The following CREB5 variants were observed in gnomAD, a reference collection of about 807,000 sequenced individuals.
The protein encoded by CREB5 is cAMP responsive element binding protein 5, also known as cyclic AMP-responsive element-binding protein 5.
CREB5 carries 19 observed loss-of-function variants against 57.1 expected under a neutral mutation model. The observed-to-expected ratio is 0.33, with a 90% CI of 0.23 to 0.49. The LOEUF (loss-of-function observed/expected upper bound fraction) is 0.49. Among genes scored for constraint, CREB5 ranks in the 20% least tolerant of loss-of-function variants. The probability of loss-of-function intolerance (pLI) is 0.99; values close to 1 mark genes in which losing one functional copy is unlikely to be tolerated. For missense variants in CREB5, 579 were observed against 671.6 expected, an observed-to-expected ratio of 0.86 and a Z score of 1.52; for synonymous variants, 238 against 238.3, an observed-to-expected ratio of 1.00 and a Z score of 0.01.
At chr7:28,798,242 G>A (rs991136784) in intron 7 of CREB5, among the ~76,000 whole-genome samples, 6 of 152,048 alleles carry the variant, frequency 3.9e-5, no homozygotes, top group South Asian at 2.1e-4. Context: ...AATTCGGCTC[G>A]GCTTTCAGAG....
Position 28,300,436 on chromosome 7 carries a change from G to C in CREB5, c.-25+995G>C, listed in dbSNP as rs184570651. On this transcript the variant is annotated intron_variant, in intron 1 of 9. Transcript: ENST00000396299. ...GTATGTCCATCTCCAGGTGGCTGGT[G>C]TTGGGTGGACAATAAACAGATTCAA... Among the ~76,000 whole-genome samples, 37 of 152,340 alleles carry C rather than the reference G, an allele frequency of 2.4e-4. No individual in the cohort carries two copies. In the East Asian group the frequency reaches 6.9e-3, roughly 29 times the overall value.
intron 5 of CREB5, among the ~76,000 whole-genome samples, chr7:28,698,906 A>G (rs1801706387): frequency 6.6e-6 from 1 of 152,216 alleles, no homozygotes; most frequent in Non-Finnish European, 1.5e-5. Flanking sequence ...CATCGTCTGT[A>G]TTCAATGCCC....
At chr7:28,731,894 A>C (rs1198799841) in intron 7 of CREB5, among the ~76,000 whole-genome samples, 1 of 152,124 alleles carries the variant, frequency 6.6e-6, no homozygotes, top group African/African-American at 2.4e-5. Context: ...GACTTGGCTT[A>C]TTTGCCAGCC....
chr7:28,619,543 AC>A (rs1356039107), intron 5 of CREB5, among the ~76,000 whole-genome samples: 1 of 149,854 alleles, frequency 6.7e-6, no homozygotes, highest in African/African-American at 2.5e-5. Flanking sequence ...ACACAAATAA[AC>A]CCCCTTCTTG....
At chr7:28,666,936 G>GA (rs113572513) in intron 5 of CREB5, among the ~76,000 whole-genome samples, 7,605 of 128,858 alleles carry the variant, frequency 0.059, 344 homozygotes, top group African/African-American at 0.14. Flanking sequence ...CCTTTCTTAG[G>GA]AAAAAAAAAA....
intron 1 of CREB5, among the ~76,000 whole-genome samples, chr7:28,343,238 C>G (rs1352919743): frequency 6.6e-6 from 1 of 152,178 alleles, no homozygotes; most frequent in Non-Finnish European, 1.5e-5. Flanking sequence ...CTGCGCCTGG[C>G]CTGAAATATG....
intron 5 of CREB5, among the ~76,000 whole-genome samples, chr7:28,636,599 G>A (rs948702709): frequency 8.6e-5 from 13 of 151,858 alleles, no homozygotes; most frequent in African/African-American, 2.7e-4. Context: ...TAGATACTAC[G>A]CCTGCCTATG....
chr7:28,780,377 T>C (rs1358264054), intron 7 of CREB5, among the ~76,000 whole-genome samples: 1 of 152,110 alleles, frequency 6.6e-6, no homozygotes, highest in East Asian at 1.9e-4. Context: ...AACTAAGTAG[T>C]AGAAAAAAGT....
intron 1 of CREB5, among the ~76,000 whole-genome samples, chr7:28,302,072 C>T (rs1174687467): frequency 6.6e-6 from 1 of 151,900 alleles, no homozygotes; most frequent in African/African-American, 2.4e-5. Flanking sequence ...TTTGAGTGGC[C>T]TATGTGTCAT....
At chr7:28,597,235 C>T (rs571878499) in intron 5 of CREB5, among the ~76,000 whole-genome samples, 2 of 152,302 alleles carry the variant, frequency 1.3e-5, no homozygotes, top group African/African-American at 4.8e-5. Flanking sequence ...TAAGGCCTTG[C>T]ATTTGATCCT....
At chr7:28,340,231 TTAGGAA>T (rs1214102371) in intron 1 of CREB5, among the ~76,000 whole-genome samples, 2 of 150,004 alleles carry the variant, frequency 1.3e-5, no homozygotes, top group Non-Finnish European at 3.0e-5. Context: ...GCCACCACAG[TTAGGAA>T]TGTTCTGGGT....
intron 5 of CREB5, among the ~76,000 whole-genome samples, chr7:28,608,456 A>C (rs1797252375): frequency 1.3e-5 from 2 of 152,062 alleles, no homozygotes; most frequent in African/African-American, 4.8e-5. Context: ...ACGTAGTTGA[A>C]ACTGTTAATG....
intron 5 of CREB5, among the ~76,000 whole-genome samples, chr7:28,587,547 A>G (rs1468888954): frequency 9.5e-6 from 1 of 105,064 alleles, no homozygotes; most frequent in East Asian, 3.0e-4. Context: ...GTGGAGGTGG[A>G]CTGGGCTGGG....
intron 5 of CREB5, among the ~76,000 whole-genome samples, chr7:28,651,430 T>C (rs2128706801): frequency 6.7e-6 from 1 of 150,160 alleles, no homozygotes; most frequent in East Asian, 1.9e-4. Flanking sequence ...TTAAATGAAC[T>C]TGAAACACAG....
intron 5 of CREB5, among the ~76,000 whole-genome samples, chr7:28,639,132 T>C (rs915904818): frequency 4.6e-5 from 7 of 152,254 alleles, no homozygotes; most frequent in Admixed American, 1.3e-4. Context: ...TGAATAATTA[T>C]GAGTCAGACT....
chr7:28,337,738 G>T (rs1785853641), intron 1 of CREB5, among the ~76,000 whole-genome samples: 1 of 151,780 alleles, frequency 6.6e-6, no homozygotes. Flanking sequence ...CTGCCATTTT[G>T]TTATTTGTTT....
At chr7:28,629,484 A>G (rs1393275457) in intron 5 of CREB5, among the ~76,000 whole-genome samples, 1 of 152,184 alleles carries the variant, frequency 6.6e-6, no homozygotes, top group Non-Finnish European at 1.5e-5. Flanking sequence ...CTCTGTATTC[A>G]CTGTTGAGCA....
chr7:28,568,088 G>T (rs1460767902), intron 4 of CREB5, among the ~76,000 whole-genome samples: 1 of 152,158 alleles, frequency 6.6e-6, no homozygotes, highest in Non-Finnish European at 1.5e-5. Flanking sequence ...GATGGCAGTT[G>T]GTTATAGGTT....
intron 5 of CREB5, among the ~76,000 whole-genome samples, chr7:28,712,458 A>C (rs1802443775): frequency 6.7e-6 from 1 of 150,330 alleles, no homozygotes; most frequent in Non-Finnish European, 1.5e-5. Context: ...CAGTGAGCCA[A>C]GATCACACCC....
Sources: gnomAD v4.1 joint callset for allele counts (sites outside exome capture counted in the v4.1 genomes callset) on GRCh38, gnomAD v4.1.1 for gene constraint, MANE v1.5 for transcripts, NCBI Gene and HGNC (gene_info 2026-07-23, HGNC 2026-07-21) for gene names.